ST18: variants seen among roughly 807,000 people sequenced by gnomAD.
ST18 encodes the protein ST18 C2H2C-type zinc finger transcription factor.
ST18 carries 50 observed loss-of-function variants against 110.0 expected under a neutral mutation model. The observed-to-expected ratio is 0.45, with a 90% CI of 0.36 to 0.58. ST18 has a LOEUF of 0.58. Among genes scored for constraint, ST18 ranks in the 20% least tolerant of loss-of-function variants. The probability of loss-of-function intolerance (pLI) is 0.00; values close to 1 mark genes in which losing one functional copy is unlikely to be tolerated. For missense variants in ST18, 1,306 were observed against 1,280.1 expected (o/e 1.02, Z -0.31); for synonymous variants, 461 against 452.4 (o/e 1.02, Z -0.24).
chr8:52,324,522 T>G (rs1805429518), intron 2 of ST18, among the ~76,000 whole-genome samples: 1 of 152,012 alleles, frequency 6.6e-6, no homozygotes. Context: ...GCTCTCCAGG[T>G]GGAAGGAACC....
chr8:52,256,352 G>A (rs955976404), intron 2 of ST18, among the ~76,000 whole-genome samples: 1 of 152,178 alleles, frequency 6.6e-6, no homozygotes, highest in Non-Finnish European at 1.5e-5. Flanking sequence ...AGCAGCAAAT[G>A]TCCAATCTGG....
chr8:52,192,149 A>G (rs946137541), intron 8 of ST18, among the ~76,000 whole-genome samples: 4 of 152,300 alleles, frequency 2.6e-5, no homozygotes, highest in Non-Finnish European at 2.9e-5. Flanking sequence ...ACTAAGACTG[A>G]TGTAGCTATG....
At chr8:52,184,534 T>G (rs1409444772) in intron 8 of ST18, among the ~76,000 whole-genome samples, 1 of 152,184 alleles carries the variant, frequency 6.6e-6, no homozygotes, top group Non-Finnish European at 1.5e-5. Context: ...GAAAAATCAT[T>G]GAAGCAAACC....
chr8:52,319,578 C>T (rs1041114635), intron 2 of ST18, among the ~76,000 whole-genome samples: 3 of 151,980 alleles, frequency 2.0e-5, no homozygotes, highest in African/African-American at 4.8e-5. Context: ...CTTTTTTGCA[C>T]TGTAGTAATT....
intron 2 of ST18, among the ~76,000 whole-genome samples, chr8:52,354,906 A>G (rs562171293): frequency 1.3e-5 from 2 of 152,376 alleles, no homozygotes; most frequent in South Asian, 4.1e-4. Context: ...ATACTTGAAC[A>G]TTATAAATCA....
intron 2 of ST18, among the ~76,000 whole-genome samples, chr8:52,369,755 A>G (rs1829565234): frequency 6.6e-6 from 1 of 152,232 alleles, no homozygotes; most frequent in Non-Finnish European, 1.5e-5. Flanking sequence ...TACAACATGA[A>G]TTGAACTAGA....
intron 2 of ST18, among the ~76,000 whole-genome samples, chr8:52,283,329 A>G (rs2095417922): frequency 6.6e-6 from 1 of 152,110 alleles, no homozygotes; most frequent in Non-Finnish European, 1.5e-5. Flanking sequence ...GAGTTTAGAG[A>G]TTGGGGAAAG....
At chr8:52,126,901 A>G (rs1444463735) in intron 22 of ST18, among the ~76,000 whole-genome samples, 1 of 152,260 alleles carries the variant, frequency 6.6e-6, no homozygotes. Context: ...CCAGCATGAT[A>G]AATGACAACA....
intron 15 of ST18, among the ~76,000 whole-genome samples, chr8:52,150,287 T>C (rs1310702251): frequency 1.3e-5 from 2 of 152,136 alleles, no homozygotes; most frequent in African/African-American, 4.8e-5. Flanking sequence ...TGTGTATATA[T>C]ATGTGTATAT....
At position 52,321,223 on chromosome 8, in the gene ST18, A is replaced by AG. The variant is rs752341640; in HGVS notation, c.-465+88104dup. Among the ~76,000 whole-genome samples the AG allele has an allele frequency of 1.5e-3, 223 of 152,306 alleles. 1 individual carries two copies. Among genetic ancestry groups the AG allele is most frequent in the Non-Finnish European group, 7.8e-4 (53 of 68,020 alleles). On this transcript the variant is annotated intron_variant, in intron 2 of 25. Transcript: ENST00000689386. Reference sequence around the variant, plus strand: ...GTGAGGCTACCTTTTGGAGGGGACAAGGGGGCGTGGCCAGGGAGGAGCACA... The same window carrying AG: ...GTGAGGCTACCTTTTGGAGGGGACAAGGGGGGCGTGGCCAGGGAGGAGCACA...
intron 2 of ST18, among the ~76,000 whole-genome samples, chr8:52,332,117 T>C (rs1809743620): frequency 1.3e-5 from 2 of 151,994 alleles, no homozygotes; most frequent in South Asian, 4.1e-4. Context: ...ATGAGTTACA[T>C]TTGCCATTAT....
Position 52,305,286 on chromosome 8 carries a change from A to G in ST18, c.-464-75209T>C, listed in dbSNP as rs890325590. Among the ~76,000 whole-genome samples the G allele has an allele frequency of 7.2e-5, 11 of 152,260 alleles. 1 individual carries two copies. Among genetic ancestry groups the G allele is most frequent in the East Asian group, 5.8e-4 (3 of 5,178 alleles). Reference sequence around the variant, plus strand: ...AGCCTTTCACTTGGGCTTCCTAGAAAACTTTGCTTTTCTTCCCAACTCAGT... The same window carrying G: ...AGCCTTTCACTTGGGCTTCCTAGAAGACTTTGCTTTTCTTCCCAACTCAGT... On this transcript the variant is annotated intron_variant, in intron 2 of 25. Coordinates refer to ENST00000689386, the MANE Select transcript of ST18 (RefSeq NM_001352837.2).
intron 2 of ST18, among the ~76,000 whole-genome samples, chr8:52,381,980 A>AAAC (rs1429835314): frequency 5.3e-5 from 8 of 151,754 alleles, no homozygotes; most frequent in South Asian, 2.1e-4. Flanking sequence ...AAAACAAAAA[A>AAAC]AAACAAAAAA....
At chr8:52,327,189 C>T (rs950885452) in intron 2 of ST18, among the ~76,000 whole-genome samples, 1 of 152,236 alleles carries the variant, frequency 6.6e-6, no homozygotes, top group African/African-American at 2.4e-5. Flanking sequence ...TCATAAGGAT[C>T]TCCAGAACGT....
At chr8:52,312,497 C>T (rs2095936846) in intron 2 of ST18, among the ~76,000 whole-genome samples, 1 of 152,204 alleles carries the variant, frequency 6.6e-6, no homozygotes, top group Non-Finnish European at 1.5e-5. Flanking sequence ...AAAGATGCAG[C>T]ATGGTGTTCC....
chr8:52,142,511 C>T (rs779442139), intron 17 of ST18, among the ~76,000 whole-genome samples: 2 of 152,134 alleles, frequency 1.3e-5, no homozygotes, highest in South Asian at 4.1e-4. Flanking sequence ...GTACATAACT[C>T]GTACTTACTG....
intron 2 of ST18, among the ~76,000 whole-genome samples, chr8:52,312,333 C>A (rs915591985): frequency 6.6e-6 from 1 of 152,196 alleles, no homozygotes; most frequent in Non-Finnish European, 1.5e-5. Context: ...TGTTAACAGG[C>A]TGCCTCCAGT....
chr8:52,157,415 A>C (rs889194858), intron 15 of ST18, among the ~76,000 whole-genome samples: 3 of 152,124 alleles, frequency 2.0e-5, no homozygotes, highest in African/African-American at 7.2e-5. Context: ...GGACAGCCTG[A>C]ATAACCAAAT....
chr8:52,316,104 G>A (rs552702739), intron 2 of ST18, among the ~76,000 whole-genome samples: 1 of 152,198 alleles, frequency 6.6e-6, no homozygotes, highest in South Asian at 2.1e-4. Flanking sequence ...TCATTGATGT[G>A]ACATATACAT....
Sources: gnomAD v4.1 joint callset for allele counts (sites outside exome capture counted in the v4.1 genomes callset) on GRCh38, gnomAD v4.1.1 for gene constraint, MANE v1.5 for transcripts, NCBI Gene and HGNC (gene_info 2026-07-23, HGNC 2026-07-21) for gene names.